The following BICC1 variants were observed in gnomAD, a reference collection of about 807,000 sequenced individuals.
BICC1 encodes BicC family RNA binding protein 1, also known as protein bicaudal C homolog 1.
BICC1 carries 43 observed loss-of-function variants against 111.0 expected under a neutral mutation model. That is an observed-to-expected ratio of 0.39 (90% CI 0.30 to 0.50). BICC1 has a LOEUF of 0.50. BICC1 is among the 20% of genes least tolerant of loss of function. The pLI is 0.88. For synonymous variants in BICC1, 467 were observed against 434.4 expected (o/e 1.07, Z -0.93); for missense variants, 1,091 against 1,203.2 (o/e 0.91, Z 1.38).
intron 2 of BICC1, among the ~76,000 whole-genome samples, chr10:58,661,601 G>C (rs1392426313): frequency 6.6e-6 from 1 of 152,100 alleles, no homozygotes; most frequent in Non-Finnish European, 1.5e-5. Flanking sequence ...TAAACAATTA[G>C]AATTAAGGTA....
chr10:58,770,611 T>C (rs983394177), intron 3 of BICC1, among the ~76,000 whole-genome samples: 1 of 152,108 alleles, frequency 6.6e-6, no homozygotes, highest in Non-Finnish European at 1.5e-5. Context: ...AACACTGATA[T>C]AATACAACTA....
At chr10:58,664,495 A>AT (rs1838946981) in intron 2 of BICC1, among the ~76,000 whole-genome samples, 1 of 152,118 alleles carries the variant, frequency 6.6e-6, no homozygotes, top group Non-Finnish European at 1.5e-5. Context: ...CATTTCAGAC[A>AT]TTTTTCATTG....
chr10:58,604,056 C>G (rs1845129741), intron 1 of BICC1, among the ~76,000 whole-genome samples: 2 of 152,116 alleles, frequency 1.3e-5, no homozygotes, highest in Admixed American at 1.3e-4. Context: ...CACTGCCTTT[C>G]CATTTGTTTG....
intron 1 of BICC1, among the ~76,000 whole-genome samples, chr10:58,575,712 C>A (rs1258384186): frequency 6.6e-6 from 1 of 152,060 alleles, no homozygotes; most frequent in Non-Finnish European, 1.5e-5. Context: ...GTGTGTGCCA[C>A]TGCTCCAGGC....
In BICC1 at chr10:58,772,705, C is replaced by T. The variant is rs73294902; in HGVS notation, c.308-12296C>T. Among the ~76,000 whole-genome samples the T allele has an allele frequency of 2.8e-3, 428 of 152,186 alleles. 1 individual carries two copies. Among genetic ancestry groups the T allele is most frequent in the African/African-American group, 9.8e-3 (407 of 41,532 alleles). On this transcript the variant is annotated intron_variant, in intron 3 of 20. Coordinates refer to ENST00000373886, the MANE Select transcript of BICC1 (RefSeq NM_001080512.3). ...ATAGTCTTTGGATGCAGTTATAGGC[C>T]GGTTTGTTTACAGGCCCAAGAAGAT...
At chr10:58,603,527 G>A (rs1405390435) in intron 1 of BICC1, among the ~76,000 whole-genome samples, 1 of 152,172 alleles carries the variant, frequency 6.6e-6, no homozygotes, top group Non-Finnish European at 1.5e-5. Flanking sequence ...AAGTAAGTTG[G>A]TATGCCGTCA....
intron 3 of BICC1, among the ~76,000 whole-genome samples, chr10:58,731,583 T>C (rs1389999241): frequency 6.6e-6 from 1 of 152,190 alleles, no homozygotes. Flanking sequence ...TTAATTGTCT[T>C]GTGGTTGACA....
At chr10:58,601,170 A>ATATC (rs1277649903) in intron 1 of BICC1, among the ~76,000 whole-genome samples, 2 of 136,432 alleles carry the variant, frequency 1.5e-5, no homozygotes, top group Non-Finnish European at 3.2e-5. Context: ...ATATATATAT[A>ATATC]TCTCCCAATA....
intron 1 of BICC1, among the ~76,000 whole-genome samples, chr10:58,532,999 G>A (rs1324377651): frequency 6.6e-6 from 1 of 151,750 alleles, no homozygotes; most frequent in Non-Finnish European, 1.5e-5. Context: ...GATATTCAAG[G>A]CATTTTGCTT....
intron 2 of BICC1, among the ~76,000 whole-genome samples, chr10:58,664,342 C>G (rs968457559): frequency 2.0e-5 from 3 of 152,124 alleles, no homozygotes; most frequent in Non-Finnish European, 4.4e-5. Flanking sequence ...TGTGCTTAAT[C>G]ATTGTTTCCT....
intron 1 of BICC1, among the ~76,000 whole-genome samples, chr10:58,517,944 T>A (rs1842285134): frequency 6.6e-6 from 1 of 152,102 alleles, no homozygotes; most frequent in Non-Finnish European, 1.5e-5. Context: ...AACTTTAGTT[T>A]GGTCTTAAAT....
At chr10:58,822,521 T>G (rs1302264665) in intron 20 of BICC1, among the ~76,000 whole-genome samples, 1 of 152,150 alleles carries the variant, frequency 6.6e-6, no homozygotes, top group African/African-American at 2.4e-5. Context: ...ATAGTACTTT[T>G]GCAGACTTCC....
intron 20 of BICC1, among the ~76,000 whole-genome samples, chr10:58,820,780 T>A (rs1395608309): frequency 1.3e-5 from 2 of 152,292 alleles, no homozygotes; most frequent in African/African-American, 4.8e-5. Context: ...TCTTTGCAGT[T>A]GTGTTAAACA....
At chr10:58,598,655 A>G (rs1238981723) in intron 1 of BICC1, among the ~76,000 whole-genome samples, 2 of 152,190 alleles carry the variant, frequency 1.3e-5, no homozygotes, top group Non-Finnish European at 2.9e-5. Flanking sequence ...GAATTTACAA[A>G]TGGGATCTAA....
At chr10:58,679,329 CAAAATT>C (rs1198573306) in intron 2 of BICC1, among the ~76,000 whole-genome samples, 1 of 151,734 alleles carries the variant, frequency 6.6e-6, no homozygotes, top group East Asian at 1.9e-4. Context: ...ATCAAATAGA[CAAAATT>C]AAAAAAGATA....
rs377708781 is a variant in BICC1, at chr10:58,828,848, G to A, written c.2882G>A (p.Arg961His). Residue 961 changes from arginine (R) to histidine (H), a missense_variant, in exon 21 of 21, where the codon CGT becomes CAT. Arg to His is a conservative substitution (Grantham distance 29). This residue lies in a region of BICC1 where 231 missense variants were observed against 256.2 expected (regional missense o/e 0.90). Coordinates refer to ENST00000373886, the MANE Select transcript of BICC1 (RefSeq NM_001080512.3). ...LEGGASGRLP[R>H]QYHSDIASVS... ...GGTGGAGCGAGTGGAAGGCTACCCCGTCAGTATCACTCAGACATTGCTAGT... is the reference window on the plus strand; with the variant it reads ...GGTGGAGCGAGTGGAAGGCTACCCCATCAGTATCACTCAGACATTGCTAGT... 16 of 1,613,798 alleles carry A rather than the reference G, an allele frequency of 9.9e-6. No homozygotes were observed. The highest frequency in any genetic ancestry group is 2.2e-5 in the East Asian group (1 of 44,860).
intron 1 of BICC1, among the ~76,000 whole-genome samples, chr10:58,525,311 C>T (rs1842502186): frequency 1.7e-5 from 2 of 116,638 alleles, no homozygotes; most frequent in African/African-American, 5.5e-5. Context: ...TTGGAACCAA[C>T]CCAAATGTCC....
chr10:58,512,612 T>A (rs2132478742), upstream of BICC1, among the ~76,000 whole-genome samples: 1 of 152,218 alleles, frequency 6.6e-6, no homozygotes, highest in South Asian at 2.1e-4. Context: ...ACGTGGATAC[T>A]CCATGTGCGT....
At chr10:58,785,757 C>T (rs1842993420) in intron 4 of BICC1, among the ~76,000 whole-genome samples, 1 of 152,150 alleles carries the variant, frequency 6.6e-6, no homozygotes, top group East Asian at 1.9e-4. Flanking sequence ...TGACTCAGCA[C>T]AAAGGTATTA....
Sources: allele counts gnomAD v4.1 joint callset (sites outside exome capture counted in the v4.1 genomes callset), GRCh38; gene constraint gnomAD v4.1.1; regional missense constraint gnomAD v4.1.1; transcripts MANE v1.5; gene names NCBI Gene and HGNC (gene_info 2026-07-23, HGNC 2026-07-21).